PCDH15: variants seen among roughly 807,000 people sequenced by gnomAD.
PCDH15 encodes protocadherin-15.
A neutral mutation model predicts 178.5 loss-of-function variants in PCDH15; 129 were observed. The observed-to-expected ratio is 0.72, with a 90% CI of 0.63 to 0.84. The LOEUF is 0.84. Ranked by LOEUF, PCDH15 falls within the 40% of genes least tolerant of loss-of-function variation. The pLI is 0.00. For missense variants in PCDH15, 2,230 were observed against 2,099.9 expected (o/e 1.06, Z -1.21); for synonymous variants, 800 against 732.0 (o/e 1.09, Z -1.50).
At chr10:55,614,828 T>G (rs1016865437) in intron 2 of PCDH15, among the ~76,000 whole-genome samples, 1 of 152,130 alleles carries the variant, frequency 6.6e-6, no homozygotes, top group South Asian at 2.1e-4. Context: ...TATACAGTCA[T>G]AACTGGCCAA....
At chr10:54,292,354 C>T (rs1425707061) in intron 8 of PCDH15, among the ~76,000 whole-genome samples, 3 of 152,142 alleles carry the variant, frequency 2.0e-5, no homozygotes. Flanking sequence ...GACAAACCCA[C>T]AGCCAATATC....
chr10:54,065,275 T>C (rs951459778), intron 18 of PCDH15, among the ~76,000 whole-genome samples: 6 of 152,206 alleles, frequency 3.9e-5, no homozygotes, highest in African/African-American at 1.4e-4. Flanking sequence ...ATGCATGAGT[T>C]TGCATCTTTT....
intron 1 of PCDH15, among the ~76,000 whole-genome samples, chr10:54,731,259 G>A (rs986619337): frequency 1.3e-5 from 2 of 150,826 alleles, no homozygotes; most frequent in African/African-American, 4.8e-5. Context: ...AGAAGACAAG[G>A]AATAACAGAT....
intron 28 of PCDH15, among the ~76,000 whole-genome samples, chr10:53,841,387 AG>A (rs991385575): frequency 1.3e-5 from 2 of 152,088 alleles, no homozygotes; most frequent in African/African-American, 2.4e-5. Context: ...AGGTTTTTTT[AG>A]GGGGAGAAGG....
intron 3 of PCDH15, among the ~76,000 whole-genome samples, chr10:54,519,865 A>G (rs1430634370): frequency 1.3e-5 from 2 of 152,306 alleles, no homozygotes; most frequent in Non-Finnish European, 2.9e-5. Flanking sequence ...CAAAACAGAG[A>G]TATAGATCAA....
chr10:54,852,809 C>T (rs562124666), intron 3 of PCDH15, among the ~76,000 whole-genome samples: 24 of 151,000 alleles, frequency 1.6e-4, no homozygotes, highest in South Asian at 1.0e-3. Flanking sequence ...GCTGAGATCA[C>T]GCCACTGCAC....
rs900324821 is a variant in PCDH15 at position 53,820,195 on chromosome 10, C to T, written c.4403G>A (p.Arg1468Lys). ...SFCWQLVICM[R>K]TCAIWRTLTR... ...CAGAGTCCGCCAAATAGCACAAGTT[C>T]TCATGCATATGACCAGCTGCCAACA... The change falls in exon 33 of 38, where the codon AGA (arginine) becomes AAA (lysine). Residue 1468 changes from arginine (R) to lysine (K), a missense_variant. Physicochemically the swap from Arg to Lys is conservative, Grantham distance 26. Coordinates refer to ENST00000644397, the MANE Select transcript of PCDH15 (RefSeq NM_001384140.1). 2.5e-6 allele frequency: 1 copy of T among 397,780 alleles called. No homozygotes were observed. Among genetic ancestry groups the T allele is most frequent in the African/African-American group, 2.1e-5 (1 of 48,586 alleles). The allele number at this position is 397,780 out of a possible 1,614,324, so 24.6% of individuals were successfully genotyped here.
At chr10:55,188,092 A>T (rs528967797) in intron 1 of PCDH15, among the ~76,000 whole-genome samples, 1 of 152,036 alleles carries the variant, frequency 6.6e-6, no homozygotes, top group South Asian at 2.1e-4. Flanking sequence ...AAATCAATAG[A>T]ATTTGCTAAT....
chr10:55,507,341 TACACACACATATGCAC>T (rs1414282785), intron 2 of PCDH15, among the ~76,000 whole-genome samples: 1 of 151,232 alleles, frequency 6.6e-6, no homozygotes, highest in African/African-American at 2.4e-5. Context: ...AACATGCACA[TACACACACATATGCAC>T]ACACACATAC....
intron 1 of PCDH15, among the ~76,000 whole-genome samples, chr10:55,172,064 AC>A (rs1464438944): frequency 6.6e-6 from 1 of 152,022 alleles, no homozygotes; most frequent in African/African-American, 2.4e-5. Flanking sequence ...TTTTATGACC[AC>A]TTATCTTTAT....
intron 18 of PCDH15, among the ~76,000 whole-genome samples, chr10:54,053,072 T>A (rs2093812648): frequency 6.6e-6 from 1 of 152,162 alleles, no homozygotes; most frequent in African/African-American, 2.4e-5. Flanking sequence ...AATTCCCCAG[T>A]CTAAGGTGTG....
At chr10:54,033,284 A>AT (rs574577522) in intron 18 of PCDH15, among the ~76,000 whole-genome samples, 59 of 151,988 alleles carry the variant, frequency 3.9e-4, no homozygotes, top group African/African-American at 1.2e-3. Context: ...GGATTTTAAG[A>AT]TTTTTTTCTT....
intron 11 of PCDH15, among the ~76,000 whole-genome samples, chr10:54,188,720 T>G (rs1267366009): frequency 6.6e-6 from 1 of 151,866 alleles, no homozygotes; most frequent in African/African-American, 2.4e-5. Flanking sequence ...AAAACTATGT[T>G]CAAAGATGAG....
intron 13 of PCDH15, among the ~76,000 whole-genome samples, chr10:54,163,765 T>A (rs2045942842): frequency 6.6e-6 from 1 of 152,096 alleles, no homozygotes; most frequent in Non-Finnish European, 1.5e-5. Flanking sequence ...TTTCAATAAC[T>A]TGGCATTACT....
rs530945300 is a variant in PCDH15, at chr10:55,150,069, G to A, written c.-80+16507C>T. Among the ~76,000 whole-genome samples, 4 of 102,388 alleles carry A rather than the reference G, an allele frequency of 3.9e-5. No individual in the cohort carries two copies. In the South Asian group the frequency reaches 1.5e-3, roughly 39 times the overall value. 67.2% of individuals were successfully genotyped at this position (102,388 alleles called of 152,430 possible). A position where few individuals can be genotyped will look rare whatever the true frequency, so the allele number is the denominator to read the frequency against. ...GAGAGAGAGAGAAGTGAAGAGGAGA[G>A]GAGGGGGAGGGGAGGGGAGGAAAAG... On this transcript the variant is annotated intron_variant, in intron 2 of 5. Transcript: ENST00000458638.
At chr10:54,504,967 G>A (rs1304373871) in intron 3 of PCDH15, among the ~76,000 whole-genome samples, 1 of 152,000 alleles carries the variant, frequency 6.6e-6, no homozygotes, top group African/African-American at 2.4e-5. Flanking sequence ...TTTTCAAATA[G>A]GGGAGTTCAC....
intron 1 of PCDH15, among the ~76,000 whole-genome samples, 193 bp downstream of exon 1, chr10:54,800,732 G>T (rs1009987578): frequency 6.6e-6 from 1 of 152,150 alleles, no homozygotes; most frequent in African/African-American, 2.4e-5. Flanking sequence ...AAGAATGAAA[G>T]GACAGGCAGT....
At chr10:55,297,831 T>G (rs1237969223) in intron 1 of PCDH15, among the ~76,000 whole-genome samples, 1 of 151,950 alleles carries the variant, frequency 6.6e-6, no homozygotes, top group Non-Finnish European at 1.5e-5. Context: ...ACAGATAAAA[T>G]TATGAGATTA....
chr10:53,831,377 C>T lies in PCDH15; in HGVS notation c.4140G>A (p.Leu1380=), dbSNP rs754652629. 1 of 1,614,102 alleles carries T rather than the reference C, an allele frequency of 6.2e-7. No homozygotes were observed. The highest frequency in any genetic ancestry group is 2.2e-5 in the East Asian group (1 of 44,862). ...LGYTEGALLA[L]AFIIILCCIP... ...TGCAGCAGAGGATGATGATGAAGGC[C>T]AGAGCCAACAAGGCCCCTTCTGTGT... The change falls in exon 30 of 38, where the codon CTG becomes CTA. Residue 1380 remains leucine (L), a synonymous_variant. Coordinates refer to ENST00000644397, the MANE Select transcript of PCDH15 (RefSeq NM_001384140.1).
Sources: allele counts gnomAD v4.1 joint callset (sites outside exome capture counted in the v4.1 genomes callset), GRCh38; gene constraint gnomAD v4.1.1; transcripts MANE v1.5; gene names NCBI Gene and HGNC (gene_info 2026-07-23, HGNC 2026-07-21).